Variants in KCNIP1 observed in about 807,000 individuals in gnomAD.
KCNIP1 encodes A-type potassium channel modulatory protein KCNIP1.
KCNIP1 carries 18 observed loss-of-function variants against 33.0 expected under a neutral mutation model. The observed-to-expected ratio is 0.55, with a 90% CI of 0.38 to 0.81. The LOEUF is 0.81. Among genes scored for constraint, KCNIP1 ranks in the 30% least tolerant of loss-of-function variants. The probability of loss-of-function intolerance (pLI) is 0.00; values close to 1 mark genes in which losing one functional copy is unlikely to be tolerated. For missense variants in KCNIP1, 238 were observed against 271.6 expected (o/e 0.88, Z 0.87); for synonymous variants, 93 against 98.3 (o/e 0.95, Z 0.32).
rs1356621871 is a variant in KCNIP1 at position 170,732,823 on chromosome 5, C to T, written c.459C>T (p.Ala153=). The change falls in exon 6 of 8, where the codon GCC becomes GCT. Residue 153 remains alanine, a synonymous_variant. Transcript: ENST00000328939. ...NKEEMMDIVK[A]IYDMMGKYTY... is the part of the protein sequence containing the mutation. Reference sequence around the variant, plus strand: ...AGGAGATGATGGACATTGTCAAAGCCATCTATGACATGATGGGGAAATACA... The same window carrying T: ...AGGAGATGATGGACATTGTCAAAGCTATCTATGACATGATGGGGAAATACA... 2.7e-5 allele frequency: 44 copies of T among 1,611,926 alleles called. No individual in the cohort carries two copies. The highest frequency in any genetic ancestry group is 3.7e-5 in the Non-Finnish European group (44 of 1,178,216).
chr5:170,522,278 C>T (rs1243127802), intron 1 of KCNIP1, among the ~76,000 whole-genome samples: 3 of 152,198 alleles, frequency 2.0e-5, no homozygotes, highest in South Asian at 2.1e-4. Context: ...GCTTCCCTCC[C>T]GAGGACAGCC....
chr5:170,645,430 T>C (rs1755640870), intron 1 of KCNIP1, among the ~76,000 whole-genome samples: 1 of 152,200 alleles, frequency 6.6e-6, no homozygotes, highest in South Asian at 2.1e-4. Flanking sequence ...ATAACAATCC[T>C]TAATGTGTGT....
At chr5:170,681,721 C>G (rs1293947106) in intron 1 of KCNIP1, among the ~76,000 whole-genome samples, 1 of 152,224 alleles carries the variant, frequency 6.6e-6, no homozygotes, top group East Asian at 1.9e-4. Flanking sequence ...CTCCTCAGCT[C>G]TGACTTCAGC....
At chr5:170,412,235 AT>A (rs1308251896) in intron 1 of KCNIP1, among the ~76,000 whole-genome samples, 3 of 17,984 alleles carry the variant, frequency 1.7e-4, no homozygotes, top group East Asian at 7.7e-4. Context: ...TTGGCTTTCC[AT>A]TTTTTTTTAG....
chr5:170,497,550 GTTCACAGGT>G (rs1757333148), intron 1 of KCNIP1, among the ~76,000 whole-genome samples: 1 of 152,146 alleles, frequency 6.6e-6, no homozygotes, highest in Non-Finnish European at 1.5e-5. Flanking sequence ...GGGGGAAAAG[GTTCACAGGT>G]TTTATCAGAT....
intron 1 of KCNIP1, chr5:170,376,216 C>T (rs1269803231): frequency 7.2e-6 from 1 of 138,160 alleles, no homozygotes; most frequent in Non-Finnish European, 1.5e-5. Context: ...GCTGGAGTGC[C>T]GTGGCGCGAT....
At chr5:170,658,460 C>T (rs903971852) in intron 1 of KCNIP1, among the ~76,000 whole-genome samples, 2 of 152,314 alleles carry the variant, frequency 1.3e-5, no homozygotes, top group Admixed American at 1.3e-4. Flanking sequence ...GGTCCTACCT[C>T]GCAATACTGC....
chr5:170,679,954 T>C (rs952621213), intron 1 of KCNIP1, among the ~76,000 whole-genome samples: 3 of 152,214 alleles, frequency 2.0e-5, no homozygotes, highest in African/African-American at 7.2e-5. Context: ...TATGTAGGTA[T>C]CCTTACAAGT....
chr5:170,699,666 A>G (rs905810809), intron 1 of KCNIP1, among the ~76,000 whole-genome samples: 1 of 152,038 alleles, frequency 6.6e-6, no homozygotes, highest in Non-Finnish European at 1.5e-5. Flanking sequence ...ACTCAGCCCT[A>G]AGCTTTCTAA....
intron 1 of KCNIP1, among the ~76,000 whole-genome samples, chr5:170,493,515 T>C (rs1466382592): frequency 6.6e-6 from 1 of 152,202 alleles, no homozygotes; most frequent in African/African-American, 2.4e-5. Context: ...TAAGTCACCA[T>C]GGTGGCTGGA....
chr5:170,599,040 TC>T (rs1758586819), intron 1 of KCNIP1, among the ~76,000 whole-genome samples: 1 of 151,792 alleles, frequency 6.6e-6, no homozygotes, highest in African/African-American at 2.4e-5. Context: ...GATCTCAATA[TC>T]CTGTGCAGAC....
chr5:170,463,189 C>A (rs1021102182), intron 1 of KCNIP1, among the ~76,000 whole-genome samples: 1 of 152,112 alleles, frequency 6.6e-6, no homozygotes, highest in Non-Finnish European at 1.5e-5. Context: ...CATTTTAAAA[C>A]TTCCCACAAA....
intron 1 of KCNIP1, among the ~76,000 whole-genome samples, chr5:170,546,819 TTA>T (rs1321049627): frequency 6.6e-6 from 1 of 151,622 alleles, no homozygotes; most frequent in Non-Finnish European, 1.5e-5. Context: ...ACAGCAATAT[TTA>T]GAGTCACTCG....
At chr5:170,541,972 C>T (rs1420936307) in intron 1 of KCNIP1, among the ~76,000 whole-genome samples, 1 of 152,194 alleles carries the variant, frequency 6.6e-6, no homozygotes, top group African/African-American at 2.4e-5. Flanking sequence ...GTTCTCCCAT[C>T]GTAGTAATAT....
intron 1 of KCNIP1, among the ~76,000 whole-genome samples, chr5:170,495,203 G>A (rs1757287972): frequency 6.6e-6 from 1 of 152,166 alleles, no homozygotes; most frequent in Non-Finnish European, 1.5e-5. Flanking sequence ...TACCTCTGGT[G>A]GGCAGCCCTA....
chr5:170,372,455 C>A (rs1180785233), intron 1 of KCNIP1, among the ~76,000 whole-genome samples: 1 of 152,164 alleles, frequency 6.6e-6, no homozygotes, highest in Non-Finnish European at 1.5e-5. Flanking sequence ...CCTCCAGCCC[C>A]TCTTCCCTCT....
chr5:170,684,050 C>T (rs1019989482), intron 1 of KCNIP1, among the ~76,000 whole-genome samples: 14 of 152,084 alleles, frequency 9.2e-5, no homozygotes, highest in Non-Finnish European at 4.4e-5. Flanking sequence ...AGCCACAGCG[C>T]CTGGCCAATC....
At chr5:170,681,553 G>A (rs1208507097) in intron 1 of KCNIP1, 6 of 161,586 alleles carry the variant, frequency 3.7e-5, no homozygotes, top group Admixed American at 1.3e-4. Flanking sequence ...ACTTTTAAAA[G>A]CCATTATGTT....
upstream of KCNIP1, among the ~76,000 whole-genome samples, chr5:170,502,644 CAT>C (rs139108842): frequency 3.4e-4 from 52 of 152,238 alleles, no homozygotes; most frequent in African/African-American, 1.3e-3. Context: ...GACCTGCGCC[CAT>C]ATGTTTGTGG....
Sources: allele counts gnomAD v4.1 joint callset (sites outside exome capture counted in the v4.1 genomes callset), GRCh38; gene constraint gnomAD v4.1.1; transcripts MANE v1.5; gene names NCBI Gene and HGNC (gene_info 2026-07-23, HGNC 2026-07-21).